Variants in KIAA1614 observed in about 807,000 individuals in gnomAD.
KIAA1614 encodes the protein uncharacterized protein KIAA1614.
In KIAA1614, 76 loss-of-function variants were observed where a neutral mutation model predicts 88.7. That is an observed-to-expected ratio of 0.86 (90% CI 0.71 to 1.04). The LOEUF is 1.04. Ranked by LOEUF, KIAA1614 falls within the 50% of genes least tolerant of loss-of-function variation. KIAA1614 has a pLI of 0.00. For missense variants in KIAA1614, 1,553 were observed against 1,582.5 expected, an observed-to-expected ratio of 0.98 and a Z score of 0.32; for synonymous variants, 714 against 675.5, an observed-to-expected ratio of 1.06 and a Z score of -0.88.
At chr1:180,926,206 G>C (rs577014779) in intron 3 of KIAA1614, among the ~76,000 whole-genome samples, 4 of 152,220 alleles carry the variant, frequency 2.6e-5, no homozygotes, top group Non-Finnish European at 4.4e-5. Context: ...GAGGTGGGCA[G>C]TGAGATGGGA....
chr1:180,922,836 C>A lies in KIAA1614; in HGVS notation c.1061+4922C>A, dbSNP rs559452296. 1.1e-4 allele frequency among the ~76,000 whole-genome samples: 17 copies of A among 152,250 alleles called. No homozygotes were observed. In the East Asian group the frequency reaches 2.7e-3, roughly 24 times the overall value. ...GACACTGTCTACCTGCAGATAGGAT[C>A]GGGCCCCACAGGTTGAGGGCTCAGT... On this transcript the variant is annotated intron_variant, in intron 3 of 8. Coordinates refer to ENST00000367588, the MANE Select transcript of KIAA1614 (RefSeq NM_020950.2).
chr1:180,928,530 C>A lies in KIAA1614; in HGVS notation c.1162C>A (p.Arg388Ser). ...ARMKARTRPLRASHDIVPTIT... is the reference protein window; with the variant it reads ...ARMKARTRPLSASHDIVPTIT... ...CATGAAGGCCAGGACCCGGCCCCTC[C>A]GTGCCAGCCATGACATCGTGCCCAC... The change falls in exon 4 of 9, where the codon CGT becomes AGT. Residue 388 changes from arginine (R) to serine (S), a missense_variant. Coordinates refer to ENST00000367588, the MANE Select transcript of KIAA1614 (RefSeq NM_020950.2). The A allele has an allele frequency of 2.5e-6, 4 of 1,612,936 alleles. No homozygotes were observed. The highest frequency in any genetic ancestry group is 3.4e-6 in the Non-Finnish European group (4 of 1,179,906).
intron 3 of KIAA1614, among the ~76,000 whole-genome samples, chr1:180,921,036 T>C (rs1441204250): frequency 6.6e-6 from 1 of 152,164 alleles, no homozygotes; most frequent in Non-Finnish European, 1.5e-5. Flanking sequence ...CGCACGTCCG[T>C]GTGAAAAGAC....
At chr1:180,936,729 G>C (rs939941133) in intron 5 of KIAA1614, 59 bp downstream of exon 5, 1 of 1,174,384 alleles carries the variant, frequency 8.5e-7, no homozygotes, top group African/African-American at 1.5e-5. Flanking sequence ...TACAGCAGAC[G>C]CCCAGACCCA....
intron 5 of KIAA1614, among the ~76,000 whole-genome samples, chr1:180,937,917 G>A (rs6425656): frequency 6.6e-5 from 10 of 151,948 alleles, no homozygotes; most frequent in African/African-American, 1.9e-4. Flanking sequence ...TCTGGGCAAC[G>A]TGAGCCTTTA....
intron 6 of KIAA1614, among the ~76,000 whole-genome samples, chr1:180,939,963 C>T (rs1654417417): frequency 6.6e-6 from 1 of 152,214 alleles, no homozygotes; most frequent in East Asian, 1.9e-4. Flanking sequence ...TACTCAACTC[C>T]AGGCGTGGCA....
intron 2 of KIAA1614, among the ~76,000 whole-genome samples, 195 bp downstream of exon 2, chr1:180,917,295 C>T (rs1215368734): frequency 6.6e-6 from 1 of 152,190 alleles, no homozygotes; most frequent in Non-Finnish European, 1.5e-5. Context: ...TCACAGGCAG[C>T]CTGTCTGCCG....
In KIAA1614 at chr1:180,944,447, T is replaced by C. The variant is rs1558073733; in HGVS notation, c.3218T>C (p.Leu1073Pro). 12 of 1,614,008 alleles carry C rather than the reference T, an allele frequency of 7.4e-6. No individual in the cohort carries two copies. Among genetic ancestry groups the C allele is most frequent in the African/African-American group, 1.3e-5 (1 of 75,046 alleles). Residue 1073 changes from leucine (L) to proline (P), a missense_variant, in exon 8 of 9, where the codon CTG (leucine) becomes CCG (proline). By Grantham distance (98) the Leu-to-Pro change is moderately conservative. Coordinates refer to ENST00000367588, the MANE Select transcript of KIAA1614 (RefSeq NM_020950.2). The part of the protein sequence containing the change: ...AASFQNLHSL[L>P]SSKGNRSSLY... ...TCTTTTCAGAACCTCCATTCTCTGC[T>C]GAGCAGCAAGGGGAACCGGTCCAGC...
intron 1 of KIAA1614, 89 bp from the exon 2 acceptor site, chr1:180,916,065 C>A: frequency 1.1e-6 from 1 of 884,386 alleles, no homozygotes; most frequent in Non-Finnish European, 1.7e-6. Context: ...CTGGACAGGA[C>A]TCAACGCCAA....
In KIAA1614 at chr1:180,936,114, C is replaced by G. The variant is rs1654326879; in HGVS notation, c.2205C>G (p.His735Gln). Residue 735 changes from histidine (H) to glutamine (Q), a missense_variant, in exon 5 of 9, where the codon CAC (histidine) becomes CAG (glutamine). His to Gln is a conservative substitution (Grantham distance 24). Coordinates refer to ENST00000367588, the MANE Select transcript of KIAA1614 (RefSeq NM_020950.2). ...PGPGLGSHQPHPLDSRTPCRT... is the reference protein window; with the variant it reads ...PGPGLGSHQPQPLDSRTPCRT... ...CAGGGCTGGGAAGTCACCAGCCTCA[C>G]CCTTTGGATTCCCGGACTCCATGCA... The G allele has an allele frequency of 6.2e-7, 1 of 1,614,064 alleles. No individual in the cohort carries two copies.
Position 180,950,416 on chromosome 1 carries a change from C to G in KIAA1614, c.*4828C>G. The G allele has an allele frequency of 8.2e-7, 1 of 1,222,136 alleles. No individual in the cohort carries two copies. Among genetic ancestry groups the G allele is most frequent in the African/African-American group, 1.6e-5 (1 of 62,304 alleles). The allele number at this position is 1,222,136 out of a possible 1,614,324, so 75.7% of individuals were successfully genotyped here. On this transcript the variant is annotated 3_prime_UTR_variant, in exon 9 of 9. Coordinates refer to ENST00000367588, the MANE Select transcript of KIAA1614 (RefSeq NM_020950.2). ...GGCTGCTGGGGGTGGGCGATGAGAT[C>G]CTCGAGGTGAACGGGGCCAAGGTGG...
intron 4 of KIAA1614, among the ~76,000 whole-genome samples, chr1:180,929,702 T>C (rs1654150290): frequency 6.6e-6 from 1 of 152,206 alleles, no homozygotes; most frequent in African/African-American, 2.4e-5. Flanking sequence ...CACACAGAGC[T>C]GTCTTCCAGT....
At chr1:180,941,681 C>T (rs1322443420) in intron 7 of KIAA1614, among the ~76,000 whole-genome samples, 1 of 152,220 alleles carries the variant, frequency 6.6e-6, no homozygotes, top group East Asian at 1.9e-4. Context: ...ACTGGCCTCC[C>T]TGCCATGGTC....
In KIAA1614 at chr1:180,930,088, C is replaced by T. The variant is rs149852721; in HGVS notation, c.1205+1515C>T. Among the ~76,000 whole-genome samples the T allele has an allele frequency of 3.6e-3, 546 of 152,178 alleles. 2 individuals carry two copies. The highest frequency in any genetic ancestry group is 0.013 in the African/African-American group (530 of 41,516). ...TGCCCTTGTATTTCCACATTTTGGG[C>T]CTTGCCTCTCTCTCTAGATGGAGGG... On this transcript the variant is annotated intron_variant, in intron 4 of 8. Coordinates refer to ENST00000367588, the MANE Select transcript of KIAA1614 (RefSeq NM_020950.2).
At position 180,932,498 on chromosome 1, in the gene KIAA1614, A is replaced by G. The variant is rs1329989484; in HGVS notation, c.1206-2617A>G. On this transcript the variant is annotated intron_variant, in intron 4 of 8. Transcript: ENST00000367588. Reference sequence around the variant, plus strand: ...TTCTTCTGATTTTAAAAGAAATTACAACATTTTCCTGGGCCCCTGTCCATA... The same window carrying G: ...TTCTTCTGATTTTAAAAGAAATTACGACATTTTCCTGGGCCCCTGTCCATA... Among the ~76,000 whole-genome samples the G allele has an allele frequency of 4.6e-5, 7 of 152,352 alleles. No homozygotes were observed. The South Asian group carries it at 8.3e-4, about 18-fold the overall frequency.
chr1:180,932,343 G>A (rs1654215023), intron 4 of KIAA1614, among the ~76,000 whole-genome samples: 1 of 151,936 alleles, frequency 6.6e-6, no homozygotes, highest in Non-Finnish European at 1.5e-5. Flanking sequence ...GGGGCCCTAG[G>A]CACTTTTGCC....
intron 4 of KIAA1614, among the ~76,000 whole-genome samples, chr1:180,933,384 C>A (rs1654244920): frequency 6.6e-6 from 1 of 152,150 alleles, no homozygotes; most frequent in African/African-American, 2.4e-5. Flanking sequence ...GTGATAAAGG[C>A]TGTGCATCAG....
At chr1:180,928,264 A>C in intron 3 of KIAA1614, 166 bp from the exon 4 acceptor site, 3 of 807,310 alleles carry the variant, frequency 3.7e-6, no homozygotes, top group Non-Finnish European at 5.5e-6. Context: ...CCCAGGCCCC[A>C]GGCCCCCAGG....
chr1:180,945,499 C>T lies in KIAA1614; in HGVS notation c.3484C>T (p.Pro1162Ser). 19 of 1,613,678 alleles carry T rather than the reference C, an allele frequency of 1.2e-5. No homozygotes were observed. The highest frequency in any genetic ancestry group is 1.4e-5 in the Non-Finnish European group (17 of 1,179,978). The change falls in exon 9 of 9, where the codon CCT (proline) becomes TCT (serine). Residue 1162 changes from proline (P) to serine (S), a missense_variant. Transcript: ENST00000367588. ...NGRPDSGMPS[P>S]LPQPHGWGGL... ...GCGCCCAGACTCAGGTATGCCCTCT[C>T]CTCTTCCTCAGCCCCATGGCTGGGG...
Sources: gnomAD v4.1 joint callset for allele counts (sites outside exome capture counted in the v4.1 genomes callset) on GRCh38, gnomAD v4.1.1 for gene constraint, MANE v1.5 for transcripts, NCBI Gene and HGNC (gene_info 2026-07-23, HGNC 2026-07-21) for gene names.